The following ANO2 variants were observed in gnomAD, a reference collection of about 807,000 sequenced individuals.
The protein encoded by ANO2 is anoctamin 2, also known as anoctamin-2.
A neutral mutation model predicts 124.2 loss-of-function variants in ANO2; 101 were observed. The observed-to-expected ratio is 0.81, with a 90% CI of 0.69 to 0.96. The LOEUF is 0.96. ANO2 is among the 40% of genes least tolerant of loss of function. The pLI is 0.00. For synonymous variants in ANO2, 486 were observed against 482.5 expected (o/e 1.01, Z -0.09); for missense variants, 1,293 against 1,274.5 (o/e 1.01, Z -0.22).
intron 15 of ANO2, among the ~76,000 whole-genome samples, 175 bp downstream of exon 15, chr12:5,647,552 C>T (rs1214458994): frequency 1.3e-5 from 2 of 152,218 alleles, no homozygotes; most frequent in African/African-American, 4.8e-5. Flanking sequence ...CAAATTCTAG[C>T]ATGGGTGGTC....
At chr12:5,836,962 CA>C (rs1035188926) in intron 4 of ANO2, among the ~76,000 whole-genome samples, 10 of 152,172 alleles carry the variant, frequency 6.6e-5, no homozygotes, top group African/African-American at 2.4e-4. Flanking sequence ...GGATACTGTC[CA>C]AAATGTTCCC....
chr12:5,912,856 G>A (rs1222695012), intron 3 of ANO2, among the ~76,000 whole-genome samples: 1 of 152,176 alleles, frequency 6.6e-6, no homozygotes, highest in Non-Finnish European at 1.5e-5. Context: ...GCAGCGGCAC[G>A]ACTGTTCCTA....
intron 15 of ANO2, among the ~76,000 whole-genome samples, chr12:5,640,433 G>C (rs892869228): frequency 6.6e-6 from 1 of 152,102 alleles, no homozygotes; most frequent in African/African-American, 2.4e-5. Context: ...ACATCAGAGT[G>C]AACAGGCAAC....
intron 14 of ANO2, among the ~76,000 whole-genome samples, chr12:5,711,044 G>C (rs561768602): frequency 3.3e-5 from 5 of 151,906 alleles, no homozygotes; most frequent in Non-Finnish European, 7.4e-5. Context: ...TGTAGTCCCA[G>C]CTACTCAGGA....
At chr12:5,833,048 TGACA>T (rs1954205375) in intron 4 of ANO2, among the ~76,000 whole-genome samples, 2 of 152,190 alleles carry the variant, frequency 1.3e-5, no homozygotes, top group Non-Finnish European at 2.9e-5. Context: ...AGGAACTGGG[TGACA>T]GAGCTTGGAT....
At chr12:5,629,282 G>A (rs1172088298) in intron 16 of ANO2, among the ~76,000 whole-genome samples, 1 of 152,194 alleles carries the variant, frequency 6.6e-6, no homozygotes, top group Non-Finnish European at 1.5e-5. Context: ...CTAGAAGCCT[G>A]CCATCAGCTG....
chr12:5,912,579 C>T (rs1388169906), intron 3 of ANO2, among the ~76,000 whole-genome samples: 3 of 152,196 alleles, frequency 2.0e-5, no homozygotes, highest in Non-Finnish European at 4.4e-5. Flanking sequence ...TTTCCCTGTG[C>T]ATCCCCACCC....
chr12:5,568,591 G>A (rs1304258090), intron 23 of ANO2, among the ~76,000 whole-genome samples: 1 of 152,018 alleles, frequency 6.6e-6, no homozygotes, highest in East Asian at 1.9e-4. Flanking sequence ...TAAGAAGTCG[G>A]GCTTATCAAA....
chr12:5,566,072 G>GC (rs1941733745), intron 23 of ANO2, among the ~76,000 whole-genome samples: 1 of 152,090 alleles, frequency 6.6e-6, no homozygotes, highest in African/African-American at 2.4e-5. Context: ...TCTGCAGCCG[G>GC]GGGGGTTGGG....
intron 1 of ANO2, among the ~76,000 whole-genome samples, chr12:5,934,525 T>C (rs1942567591): frequency 6.6e-6 from 1 of 152,134 alleles, no homozygotes; most frequent in Non-Finnish European, 1.5e-5. Context: ...AATGACAAAA[T>C]TTACAAATTG....
chr12:5,935,430 C>CA (rs1337546224), intron 1 of ANO2, among the ~76,000 whole-genome samples: 1 of 152,196 alleles, frequency 6.6e-6, no homozygotes, highest in African/African-American at 2.4e-5. Context: ...CTGGAGATAG[C>CA]ATAATAACTA....
At chr12:5,793,449 A>G (rs758473027) in intron 10 of ANO2, among the ~76,000 whole-genome samples, 4 of 152,218 alleles carry the variant, frequency 2.6e-5, no homozygotes, top group African/African-American at 4.8e-5. Context: ...TGGATAATTG[A>G]AAGCTTATTG....
chr12:5,886,521 G>T (rs1170209764), intron 3 of ANO2, among the ~76,000 whole-genome samples: 1 of 152,170 alleles, frequency 6.6e-6, no homozygotes, highest in Non-Finnish European at 1.5e-5. Flanking sequence ...CAACAAAATA[G>T]TATCATGCAC....
intron 9 of ANO2, among the ~76,000 whole-genome samples, chr12:5,803,177 T>C (rs1411210940): frequency 1.3e-5 from 2 of 152,128 alleles, no homozygotes; most frequent in African/African-American, 2.4e-5. Context: ...GCATCCTGAA[T>C]GGAAGAGACT....
At chr12:5,650,105 C>T (rs1311149650) in intron 14 of ANO2, among the ~76,000 whole-genome samples, 20 of 152,156 alleles carry the variant, frequency 1.3e-4, no homozygotes, top group Admixed American at 1.2e-3. Flanking sequence ...TGGTTCAGTC[C>T]CACTCAACAG....
chr12:5,630,452 A>G (rs1461325790), intron 16 of ANO2, among the ~76,000 whole-genome samples: 1 of 152,136 alleles, frequency 6.6e-6, no homozygotes, highest in Non-Finnish European at 1.5e-5. Context: ...AGGAAACTTC[A>G]AGTCTCCTGA....
chr12:5,602,386 G>A (rs1397929225), intron 19 of ANO2, among the ~76,000 whole-genome samples: 2 of 151,940 alleles, frequency 1.3e-5, no homozygotes, highest in African/African-American at 4.8e-5. Flanking sequence ...AAGTAGCTAG[G>A]ACTACAGGCA....
chr12:5,739,596 T>TACACACACACACACACACAC (rs71064167), intron 12 of ANO2, among the ~76,000 whole-genome samples, 197 bp from the exon 13 acceptor site: 6 of 145,082 alleles, frequency 4.1e-5, no homozygotes, highest in Non-Finnish European at 7.5e-5. Context: ...ATAGATATGT[T>TACACACACACACACACACAC]ACACACACAC....
intron 3 of ANO2, among the ~76,000 whole-genome samples, chr12:5,880,577 A>G (rs1295199260): frequency 6.6e-6 from 1 of 152,096 alleles, no homozygotes; most frequent in Non-Finnish European, 1.5e-5. Context: ...CTGGACACCC[A>G]AGGGAGGGAA....
Sources: allele counts gnomAD v4.1 joint callset (sites outside exome capture counted in the v4.1 genomes callset), GRCh38; gene constraint gnomAD v4.1.1; transcripts MANE v1.5; gene names NCBI Gene and HGNC (gene_info 2026-07-23, HGNC 2026-07-21).